NFIC: variants seen among roughly 807,000 people sequenced by gnomAD.
NFIC encodes nuclear factor I C, also known as nuclear factor 1 C-type.
Under a neutral mutation model 54.4 loss-of-function variants are expected in NFIC, and 12 were observed. The ratio of observed to expected loss-of-function variants is 0.22; its 90% CI spans 0.14 to 0.36. NFIC has a LOEUF of 0.36. Ranked by LOEUF, NFIC falls within the 10% of genes least tolerant of loss-of-function variation. The probability of loss-of-function intolerance (pLI) is 1.00; values close to 1 mark genes in which losing one functional copy is unlikely to be tolerated. For synonymous variants in NFIC, 322 were observed against 319.2 expected, an observed-to-expected ratio of 1.01 and a Z score of -0.09; for missense variants, 575 against 718.2, an observed-to-expected ratio of 0.80 and a Z score of 2.28.
At chr19:3,396,582 G>A (rs1012003794) in intron 2 of NFIC, among the ~76,000 whole-genome samples, 22 of 152,168 alleles carry the variant, frequency 1.4e-4, no homozygotes, top group African/African-American at 5.1e-4. Context: ...GTCCCTTCTG[G>A]TGAACAGAGC....
chr19:3,452,620 A>G lies in NFIC; in HGVS notation c.1223A>G (p.Asp408Gly). Reference protein sequence around the residue: ...PHLNPQDPLKDLVSLACDPAS... With the variant: ...PHLNPQDPLKGLVSLACDPAS... ...CTCAACCCCCAGGACCCGCTCAAAGATCTTGTCTCGCTGGCCTGCGACCCA... is the reference window on the plus strand; with the variant it reads ...CTCAACCCCCAGGACCCGCTCAAAGGTCTTGTCTCGCTGGCCTGCGACCCA... Residue 408 changes from aspartate to glycine, a missense_variant, in exon 8 of 11, where the codon GAT (aspartate) becomes GGT (glycine). By Grantham distance (94) the Asp-to-Gly change is moderately conservative. Transcript: ENST00000443272. This position sits in a 1 kb window ranked among gnomAD's most constrained non-coding sequence, Gnocchi z 5.3. The G allele has an allele frequency of 6.2e-7, 1 of 1,613,096 alleles. No individual in the cohort carries two copies. Among genetic ancestry groups the G allele is most frequent in the Non-Finnish European group, 8.5e-7 (1 of 1,179,768 alleles).
intron 9 of NFIC, among the ~76,000 whole-genome samples, chr19:3,455,301 AG>A (rs1248420340): frequency 6.6e-6 from 1 of 152,112 alleles, no homozygotes; most frequent in Admixed American, 6.5e-5. Flanking sequence ...GGATCCACTC[AG>A]GGCTCGATGG....
chr19:3,420,522 CAACAAGAG>C (rs1226866260), intron 2 of NFIC, among the ~76,000 whole-genome samples: 2 of 146,904 alleles, frequency 1.4e-5, no homozygotes. Context: ...CCAGTCCTGG[CAACAAGAG>C]AACAAGAGCG....
chr19:3,371,103 C>T (rs1275532483), intron 1 of NFIC, among the ~76,000 whole-genome samples: 2 of 152,170 alleles, frequency 1.3e-5, no homozygotes, highest in Non-Finnish European at 2.9e-5. Flanking sequence ...GGTGCCAAAC[C>T]CAATATAGTA....
chr19:3,418,064 G>A (rs1940314909), intron 2 of NFIC, among the ~76,000 whole-genome samples: 1 of 146,600 alleles, frequency 6.8e-6, no homozygotes, highest in South Asian at 2.2e-4. Flanking sequence ...AATGTGATTT[G>A]TTCAACTGAG....
chr19:3,436,124 G>A (rs1690640984), intron 6 of NFIC, among the ~76,000 whole-genome samples: 2 of 136,312 alleles, frequency 1.5e-5, no homozygotes, highest in South Asian at 2.3e-4. Context: ...CACCACGCCC[G>A]GCCTCTGTTT....
intron 1 of NFIC, chr19:3,359,725 T>C: frequency 7.2e-7 from 1 of 1,390,652 alleles, no homozygotes; most frequent in East Asian, 3.3e-5. Context: ...CCCGGGGACT[T>C]TTTGGGGTGG....
At chr19:3,444,959 A>G (rs1325754105) in intron 6 of NFIC, among the ~76,000 whole-genome samples, 2 of 152,330 alleles carry the variant, frequency 1.3e-5, no homozygotes, top group East Asian at 1.9e-4. Context: ...GCAGGCATAC[A>G]CATACATGCA....
intron 1 of NFIC, among the ~76,000 whole-genome samples, chr19:3,367,784 C>T (rs977448120): frequency 6.6e-6 from 1 of 152,170 alleles, no homozygotes; most frequent in Non-Finnish European, 1.5e-5. Context: ...TGTAAAGTCC[C>T]GGCACGTGGG....
At chr19:3,404,276 C>T (rs970330245) in intron 2 of NFIC, among the ~76,000 whole-genome samples, 1 of 152,058 alleles carries the variant, frequency 6.6e-6, no homozygotes, top group African/African-American at 2.4e-5. Context: ...AGTCCACTCC[C>T]CCCCACCCCG....
chr19:3,374,865 G>A (rs949388211), intron 1 of NFIC, among the ~76,000 whole-genome samples: 2 of 152,166 alleles, frequency 1.3e-5, no homozygotes, highest in African/African-American at 4.8e-5. Context: ...CCCTGGGGAG[G>A]ACAAGGGAGG....
chr19:3,398,902 C>T (rs960342675), intron 2 of NFIC, among the ~76,000 whole-genome samples: 3 of 152,220 alleles, frequency 2.0e-5, no homozygotes, highest in East Asian at 1.9e-4. Context: ...AGGCGAGCTG[C>T]GGACTCCGCC....
At chr19:3,394,514 T>TCCCCCCCCCCCCCCCCCCCCCC (rs199958298) in intron 2 of NFIC, among the ~76,000 whole-genome samples, 2 of 25,248 alleles carry the variant, frequency 7.9e-5, no homozygotes, top group Non-Finnish European at 1.3e-4. Context: ...TATGATCTTT[T>TCCCCCCCCCCCCCCCCCCCCCC]CCCCACCCAC....
chr19:3,428,187 A>AAAG (rs2082058423), intron 3 of NFIC, among the ~76,000 whole-genome samples: 1 of 149,966 alleles, frequency 6.7e-6, no homozygotes, highest in Non-Finnish European at 1.5e-5. Flanking sequence ...AAAAAAAAAG[A>AAAG]AAAGAAAAGA....
At chr19:3,360,269 G>C (rs1599536350) in intron 1 of NFIC, among the ~76,000 whole-genome samples, 2 of 145,856 alleles carry the variant, frequency 1.4e-5, no homozygotes, top group Non-Finnish European at 3.0e-5. Context: ...GCGGGCGGCC[G>C]CGCTCGGCGC....
At chr19:3,433,387 C>G (rs914213936) in intron 3 of NFIC, 131 bp from the exon 4 acceptor site, 1 of 887,120 alleles carries the variant, frequency 1.1e-6, no homozygotes, top group Non-Finnish European at 1.8e-6. Flanking sequence ...CTGTCATTCC[C>G]CCACAGCACA....
At chr19:3,373,852 C>G (rs980091455) in intron 1 of NFIC, among the ~76,000 whole-genome samples, 23 of 152,282 alleles carry the variant, frequency 1.5e-4, no homozygotes, top group Admixed American at 1.5e-3. Flanking sequence ...TAAATGTTTG[C>G]TGAGCAACAG....
chr19:3,468,177 A>C lies in NFIC; in HGVS notation c.*5408A>C, dbSNP rs2082741897. 6.6e-6 allele frequency: 1 copy of C among 151,562 alleles called. No individual in the cohort carries two copies. Among genetic ancestry groups the C allele is most frequent in the Admixed American group, 6.6e-5 (1 of 15,190 alleles). The allele number at this position is 151,562 out of a possible 1,614,324, so 9.4% of individuals were successfully genotyped here. On this transcript the variant is annotated 3_prime_UTR_variant, in exon 11 of 11. Coordinates refer to ENST00000443272, the MANE Select transcript of NFIC (RefSeq NM_001245002.2). ...ACATGTCTGCTGGTGTGGCTTTGGG[A>C]TTCTCCTGCCCCACCCCCCCGTCCA...
At chr19:3,419,605 C>T (rs947379210) in intron 2 of NFIC, among the ~76,000 whole-genome samples, 35 of 151,966 alleles carry the variant, frequency 2.3e-4, no homozygotes, top group Non-Finnish European at 1.0e-4. Flanking sequence ...CCCATCTCTA[C>T]TAAAAATACA....
Sources: allele counts gnomAD v4.1 joint callset (sites outside exome capture counted in the v4.1 genomes callset), GRCh38; gene constraint gnomAD v4.1.1; non-coding constraint Gnocchi (gnomAD v3.1); transcripts MANE v1.5; gene names NCBI Gene and HGNC (gene_info 2026-07-23, HGNC 2026-07-21).